CSMD2: variants seen among roughly 807,000 people sequenced by gnomAD.
CSMD2 encodes CUB and Sushi multiple domains 2.
A neutral mutation model predicts 398.5 loss-of-function variants in CSMD2; 130 were observed. The ratio of observed to expected loss-of-function variants is 0.33; its 90% confidence interval spans 0.28 to 0.38. CSMD2 has a LOEUF of 0.38. Among genes scored for constraint, CSMD2 ranks in the 10% least tolerant of loss-of-function variants. The probability of loss-of-function intolerance (pLI) is 1.00; values close to 1 mark genes in which losing one functional copy is unlikely to be tolerated. For missense variants in CSMD2, 3,829 were observed against 4,764.9 expected, an observed-to-expected ratio of 0.80 and a Z score of 5.78; for synonymous variants, 1,828 against 1,908.5, an observed-to-expected ratio of 0.96 and a Z score of 1.10.
chr1:33,688,327 G>A (rs1046862785), intron 25 of CSMD2, among the ~76,000 whole-genome samples: 4 of 152,184 alleles, frequency 2.6e-5, no homozygotes, highest in African/African-American at 9.6e-5. Flanking sequence ...AGCCATGCAT[G>A]TGGATGAACT....
At position 33,708,380 on chromosome 1, in the gene CSMD2, G is replaced by C. The variant is rs575144634; in HGVS notation, c.3576+709C>G. Among the ~76,000 whole-genome samples, 7 of 147,044 alleles carry C rather than the reference G, an allele frequency of 4.8e-5. No homozygotes were observed. The East Asian group carries it at 1.4e-3, about 29-fold the overall frequency. On this transcript the variant is annotated intron_variant, in intron 22 of 70. Transcript: ENST00000373381. ...CAATATGCTGACACAGGTATGCACA[G>C]ACACAGATCCCCAAAACCAAATAAA... is the stretch of plus-strand genomic sequence containing the variant.
At chr1:33,585,055 T>C (rs1338356753) in intron 46 of CSMD2, among the ~76,000 whole-genome samples, 3 of 152,190 alleles carry the variant, frequency 2.0e-5, no homozygotes, top group Non-Finnish European at 4.4e-5. Flanking sequence ...TCCATTTGTT[T>C]GGGTTGCGGA....
At chr1:33,595,735 T>A (rs962319221) in intron 44 of CSMD2, among the ~76,000 whole-genome samples, 2 of 152,334 alleles carry the variant, frequency 1.3e-5, no homozygotes, top group South Asian at 4.1e-4. Context: ...GTTTCTGCCA[T>A]AAGATATTCC....
intron 43 of CSMD2, 69 bp downstream of exon 43, chr1:33,602,300 C>CT: frequency 5.8e-6 from 9 of 1,543,238 alleles, no homozygotes; most frequent in Non-Finnish European, 8.0e-6. Context: ...AGGTAACTGA[C>CT]TGGTAACCCA....
At chr1:34,116,318 G>C (rs575482669) in intron 1 of CSMD2, among the ~76,000 whole-genome samples, 1 of 151,694 alleles carries the variant, frequency 6.6e-6, no homozygotes, top group East Asian at 1.9e-4. Context: ...TCATGCAAAT[G>C]GTAACCAAAG....
intron 33 of CSMD2, 118 bp downstream of exon 33, chr1:33,626,368 C>T: frequency 1.7e-6 from 1 of 605,388 alleles, no homozygotes; most frequent in Non-Finnish European, 2.7e-6. Flanking sequence ...TAGTAACTGC[C>T]CCCAAACACC....
chr1:33,735,717 T>A (rs1646863920), intron 15 of CSMD2, among the ~76,000 whole-genome samples: 1 of 152,202 alleles, frequency 6.6e-6, no homozygotes, highest in Admixed American at 6.5e-5. Context: ...TCTTGTCCTA[T>A]TATAGCCTCT....
intron 70 of CSMD2, among the ~76,000 whole-genome samples, chr1:33,517,451 T>A (rs1653867937): frequency 1.3e-5 from 2 of 152,234 alleles, no homozygotes; most frequent in Admixed American, 1.3e-4. Context: ...AGCGGCATTC[T>A]TGTTTCTTTC....
At chr1:34,092,825 T>G (rs1357052546) in intron 1 of CSMD2, among the ~76,000 whole-genome samples, 1 of 152,082 alleles carries the variant, frequency 6.6e-6, no homozygotes, top group Admixed American at 6.5e-5. Flanking sequence ...GCAGCGAGGC[T>G]GGGGGAGGGG....
At chr1:34,120,107 T>C (rs1662018540) in intron 1 of CSMD2, among the ~76,000 whole-genome samples, 1 of 152,192 alleles carries the variant, frequency 6.6e-6, no homozygotes, top group East Asian at 1.9e-4. Context: ...AGGAAGGAAA[T>C]CTTTTCATAT....
chr1:33,707,677 GTGCACA>G (rs1327691797), intron 22 of CSMD2, among the ~76,000 whole-genome samples: 1 of 136,492 alleles, frequency 7.3e-6, no homozygotes, highest in Non-Finnish European at 1.6e-5. Flanking sequence ...ACACGCACGC[GTGCACA>G]CGCGCGCGCG....
Position 33,586,461 on chromosome 1 carries a change from A to T in CSMD2, c.7051+43T>A, listed in dbSNP as rs748536689. 3.1e-6 allele frequency: 4 copies of T among 1,286,224 alleles called. No homozygotes were observed. The East Asian group carries it at 9.3e-5, about 30-fold the overall frequency. 79.7% of individuals were successfully genotyped at this position (1,286,224 alleles called of 1,614,324 possible). Reference sequence around the variant, plus strand: ...GAGCAAAACAAGAGCTTTGTTCAGGAGGAACTTCTAGGCCCCATACAGATG... The same window carrying T: ...GAGCAAAACAAGAGCTTTGTTCAGGTGGAACTTCTAGGCCCCATACAGATG... On this transcript the variant is annotated intron_variant, in intron 46 of 70. Transcript: ENST00000373381.
chr1:33,536,980 G>A (rs772972520), intron 62 of CSMD2, 42 bp downstream of exon 62: 2 of 1,566,704 alleles, frequency 1.3e-6, no homozygotes, highest in East Asian at 2.2e-5. Flanking sequence ...TGACAAGAAG[G>A]GATAGGATGT....
At chr1:33,792,761 C>T (rs1001241902) in intron 10 of CSMD2, among the ~76,000 whole-genome samples, 9 of 152,202 alleles carry the variant, frequency 5.9e-5, no homozygotes, top group Admixed American at 3.3e-4. Context: ...GCACATCTGG[C>T]CAATTCTGGT....
intron 44 of CSMD2, among the ~76,000 whole-genome samples, chr1:33,590,941 G>T (rs1248158525): frequency 6.6e-6 from 1 of 151,514 alleles, no homozygotes; most frequent in Non-Finnish European, 1.5e-5. Flanking sequence ...CAAGCTGCTG[G>T]GTGTGCTGAA....
At chr1:33,753,508 G>T (rs991137319) in intron 13 of CSMD2, among the ~76,000 whole-genome samples, 2 of 152,248 alleles carry the variant, frequency 1.3e-5, no homozygotes, top group Non-Finnish European at 2.9e-5. Flanking sequence ...TTTCTCCATA[G>T]ATTTCAGAGG....
chr1:33,550,356 G>C lies in CSMD2; in HGVS notation c.8744-6C>G. 1 of 1,611,996 alleles carries C rather than the reference G, an allele frequency of 6.2e-7. No homozygotes were observed. The highest frequency in any genetic ancestry group is 2.2e-5 in the East Asian group (1 of 44,832). On this transcript the variant is annotated splice_polypyrimidine_tract_variant and splice_region_variant and intron_variant, in intron 55 of 70. Coordinates refer to ENST00000373381, the MANE Select transcript of CSMD2 (RefSeq NM_001281956.2). ...CGGATGGCCACAGGACACCACTGTG[G>C]GGGAAAAGCAAACATCTCAATGACT...
At chr1:33,877,170 CTG>C (rs1640897236) in intron 5 of CSMD2, among the ~76,000 whole-genome samples, 1 of 152,216 alleles carries the variant, frequency 6.6e-6, no homozygotes, top group South Asian at 2.1e-4. Flanking sequence ...TTATTCTATC[CTG>C]TAATGGCAGA....
chr1:33,827,063 C>T (rs1215393019), intron 6 of CSMD2, among the ~76,000 whole-genome samples: 2 of 152,216 alleles, frequency 1.3e-5, no homozygotes, highest in Non-Finnish European at 2.9e-5. Flanking sequence ...GCAACCACTT[C>T]TCACAACTTC....
Sources: allele counts gnomAD v4.1 joint callset (sites outside exome capture counted in the v4.1 genomes callset), GRCh38; gene constraint gnomAD v4.1.1; transcripts MANE v1.5; gene names NCBI Gene and HGNC (gene_info 2026-07-23, HGNC 2026-07-21).